The following BCAS3 variants were observed in gnomAD, a reference collection of about 807,000 sequenced individuals.
BCAS3 encodes the protein BCAS3 microtubule associated cell migration factor, also known as BCAS4/BCAS3 fusion.
BCAS3 carries 53 observed loss-of-function variants against 116.1 expected under a neutral mutation model. That is an observed-to-expected ratio of 0.46 (90% CI 0.37 to 0.57). The LOEUF is 0.57. BCAS3 is among the 20% of genes least tolerant of loss of function. BCAS3 has a pLI of 0.00. For synonymous variants in BCAS3, 391 were observed against 408.2 expected (o/e 0.96, Z 0.51); for missense variants, 917 against 1,165.4 (o/e 0.79, Z 3.10).
At chr17:60,809,045 A>C (rs1239738113) in intron 7 of BCAS3, among the ~76,000 whole-genome samples, 4 of 152,140 alleles carry the variant, frequency 2.6e-5, no homozygotes, top group African/African-American at 9.7e-5. Flanking sequence ...GCACTTTGGG[A>C]GGCTGAGGCA....
At chr17:61,072,469 C>T (rs566899967) in intron 19 of BCAS3, among the ~76,000 whole-genome samples, 1 of 152,054 alleles carries the variant, frequency 6.6e-6, no homozygotes, top group Non-Finnish European at 1.5e-5. Context: ...TTACTTAGTA[C>T]AGAATCCAAA....
rs1370147615 is a variant in BCAS3 at position 61,300,716 on chromosome 17, A to G, written c.2426-67611A>G. On this transcript the variant is annotated intron_variant, in intron 22 of 23. Coordinates refer to ENST00000407086, the MANE Select transcript of BCAS3 (RefSeq NM_017679.5). This position sits in a 1 kb window ranked among gnomAD's most constrained non-coding sequence, Gnocchi z 5.1. ...GGAAAAGAATACCTTTTTTTCCCTCATCACCTACCACAGAAAGTTCAGAGA... is the reference window on the plus strand; with the variant it reads ...GGAAAAGAATACCTTTTTTTCCCTCGTCACCTACCACAGAAAGTTCAGAGA... Among the ~76,000 whole-genome samples, 1 of 152,096 alleles carries G rather than the reference A, an allele frequency of 6.6e-6. No individual in the cohort carries two copies. Among genetic ancestry groups the G allele is most frequent in the Non-Finnish European group, 1.5e-5 (1 of 67,990 alleles).
At chr17:60,721,970 T>C (rs964639103) in intron 5 of BCAS3, among the ~76,000 whole-genome samples, 1 of 152,204 alleles carries the variant, frequency 6.6e-6, no homozygotes, top group Non-Finnish European at 1.5e-5. Flanking sequence ...TTAAAAGGTA[T>C]GCTCTTATGT....
At position 61,065,065 on chromosome 17, in the gene BCAS3, T is replaced by C. The variant is rs1440633836; in HGVS notation, c.2030-9855T>C. Among the ~76,000 whole-genome samples the C allele has an allele frequency of 1.3e-5, 2 of 152,216 alleles. No individual in the cohort carries two copies. Among genetic ancestry groups the C allele is most frequent in the African/African-American group, 4.8e-5 (2 of 41,452 alleles). ...AAGTAGTTATGTGTGTTATTTTTAA[T>C]CTGAAAGGGTTCTCCCTTTTTTTAG... On this transcript the variant is annotated intron_variant, in intron 19 of 23. Transcript: ENST00000407086. This position sits in a 1 kb window ranked among gnomAD's most constrained non-coding sequence, Gnocchi z 4.8.
chr17:60,770,627 C>T (rs751189626), intron 6 of BCAS3, among the ~76,000 whole-genome samples: 16 of 150,402 alleles, frequency 1.1e-4, no homozygotes, highest in Non-Finnish European at 1.6e-4. Context: ...CTGTGTTGGC[C>T]AGGATGGTCT....
intron 23 of BCAS3, among the ~76,000 whole-genome samples, chr17:61,371,722 A>AT (rs1796259404): frequency 1.3e-5 from 2 of 152,126 alleles, no homozygotes; most frequent in African/African-American, 4.8e-5. Flanking sequence ...AAAAATATAT[A>AT]TTTTTTTAAA....
chr17:60,802,368 A>G (rs1254871540), intron 6 of BCAS3, among the ~76,000 whole-genome samples: 1 of 126,532 alleles, frequency 7.9e-6, no homozygotes, highest in Non-Finnish European at 1.5e-5. Context: ...ACATACATAC[A>G]TACATATATA....
chr17:60,776,219 A>C (rs542066615), intron 6 of BCAS3, among the ~76,000 whole-genome samples: 5 of 152,276 alleles, frequency 3.3e-5, no homozygotes, highest in African/African-American at 1.2e-4. Flanking sequence ...TGTACTTTTA[A>C]AGTAATCTGT....
At chr17:61,160,570 A>G (rs1204979850) in intron 22 of BCAS3, among the ~76,000 whole-genome samples, 1 of 152,174 alleles carries the variant, frequency 6.6e-6, no homozygotes, top group South Asian at 2.1e-4. Context: ...TGAGTACACC[A>G]TTTGTTTTTT....
At chr17:61,194,248 C>G (rs909206044) in intron 22 of BCAS3, among the ~76,000 whole-genome samples, 1 of 152,190 alleles carries the variant, frequency 6.6e-6, no homozygotes, top group Non-Finnish European at 1.5e-5. Flanking sequence ...TGGCTTCATT[C>G]TTTCCTCACT....
At chr17:61,263,778 AAGAC>A (rs1287429674) in intron 22 of BCAS3, among the ~76,000 whole-genome samples, 4 of 152,336 alleles carry the variant, frequency 2.6e-5, no homozygotes, top group Admixed American at 1.3e-4. Flanking sequence ...GTTTCAGAGA[AAGAC>A]AGACAGTGGA....
chr17:60,679,865 G>A (rs943117502), intron 2 of BCAS3, among the ~76,000 whole-genome samples: 4 of 152,092 alleles, frequency 2.6e-5, no homozygotes, highest in African/African-American at 7.2e-5. Context: ...GAGGCCGGGC[G>A]CAGTGGCTCA....
intron 22 of BCAS3, among the ~76,000 whole-genome samples, chr17:61,138,781 C>A (rs1185425882): frequency 2.0e-5 from 3 of 152,042 alleles, no homozygotes; most frequent in Admixed American, 2.0e-4. Context: ...AGGAATTCAG[C>A]AGAAAAGTAA....
rs184421956 is a variant in BCAS3, at chr17:61,237,195, C to A, written c.2426-131132C>A. 2.0e-5 allele frequency among the ~76,000 whole-genome samples: 3 copies of A among 152,200 alleles called. No individual in the cohort carries two copies. The East Asian group carries it at 5.8e-4, about 29-fold the overall frequency. On this transcript the variant is annotated intron_variant, in intron 22 of 23. Transcript: ENST00000407086. Reference sequence around the variant, plus strand: ...GTAAAACACACCAATCAGCACTCTGCAGCTAGCAAGGGGATTGTAACATGT... The same window carrying A: ...GTAAAACACACCAATCAGCACTCTGAAGCTAGCAAGGGGATTGTAACATGT...
intron 22 of BCAS3, among the ~76,000 whole-genome samples, chr17:61,112,788 T>A (rs1307691117): frequency 6.6e-6 from 1 of 151,858 alleles, no homozygotes; most frequent in Non-Finnish European, 1.5e-5. Flanking sequence ...ATATACATTT[T>A]TTTCAGCATC....
chr17:61,260,321 A>G (rs1337998395), intron 22 of BCAS3, among the ~76,000 whole-genome samples: 2 of 152,212 alleles, frequency 1.3e-5, no homozygotes. Flanking sequence ...AGAGAAACCC[A>G]TAGTACGTTA....
intron 22 of BCAS3, among the ~76,000 whole-genome samples, chr17:61,236,664 A>T (rs1466683557): frequency 6.6e-6 from 1 of 152,168 alleles, no homozygotes; most frequent in East Asian, 1.9e-4. Flanking sequence ...GCCCTGTGTT[A>T]GTACTCTACT....
rs1008674205 is a variant in BCAS3, at chr17:61,281,469, C to T, written c.2426-86858C>T. ...ACTCCCACCCCCAGGTATGAGAGTA[C>T]TTATTTCTCTACGCCTTGCCAGTAC... On this transcript the variant is annotated intron_variant, in intron 22 of 23. Transcript: ENST00000407086. This position sits in a 1 kb window ranked among gnomAD's most constrained non-coding sequence, Gnocchi z 4.2. 3.9e-5 allele frequency among the ~76,000 whole-genome samples: 6 copies of T among 152,146 alleles called. No individual in the cohort carries two copies. Among genetic ancestry groups the T allele is most frequent in the Non-Finnish European group, 5.9e-5 (4 of 68,018 alleles).
chr17:60,825,118 A>G (rs1296005681), intron 7 of BCAS3, among the ~76,000 whole-genome samples: 7 of 151,462 alleles, frequency 4.6e-5, no homozygotes, highest in Non-Finnish European at 1.0e-4. Context: ...GTGAGCTGAG[A>G]TCACGCCACT....
Sources: allele counts gnomAD v4.1 joint callset (sites outside exome capture counted in the v4.1 genomes callset), GRCh38; gene constraint gnomAD v4.1.1; non-coding constraint Gnocchi (gnomAD v3.1); transcripts MANE v1.5; gene names NCBI Gene and HGNC (gene_info 2026-07-23, HGNC 2026-07-21).